FNIP1: variants seen among roughly 807,000 people sequenced by gnomAD.
The protein encoded by FNIP1 is folliculin interacting protein 1.
A neutral mutation model predicts 124.5 loss-of-function variants in FNIP1; 40 were observed. That is an observed-to-expected ratio of 0.32 (90% CI 0.25 to 0.42). FNIP1 has a LOEUF of 0.42. Ranked by LOEUF, FNIP1 falls within the 10% of genes least tolerant of loss-of-function variation. FNIP1 has a pLI of 1.00. For missense variants in FNIP1, 1,176 were observed against 1,403.7 expected (o/e 0.84, Z 2.59); for synonymous variants, 472 against 470.6 (o/e 1.00, Z -0.04).
intron 1 of FNIP1, among the ~76,000 whole-genome samples, chr5:131,760,642 G>C (rs1771195774): frequency 6.6e-6 from 1 of 152,008 alleles, no homozygotes; most frequent in Non-Finnish European, 1.5e-5. Context: ...TATGTGTCTT[G>C]AACTATGTTA....
At chr5:131,684,255 C>T (rs573235394) in intron 11 of FNIP1, among the ~76,000 whole-genome samples, 6 of 152,262 alleles carry the variant, frequency 3.9e-5, no homozygotes, top group South Asian at 2.1e-4. Flanking sequence ...GGAACATATG[C>T]GTCAGGCAAC....
At chr5:131,728,005 C>T (rs557007568) in intron 3 of FNIP1, among the ~76,000 whole-genome samples, 1 of 152,222 alleles carries the variant, frequency 6.6e-6, no homozygotes, top group African/African-American at 2.4e-5. Flanking sequence ...AATATTGGTC[C>T]CCCACTCTCT....
chr5:131,788,872 T>C (rs1366303990), intron 1 of FNIP1, among the ~76,000 whole-genome samples: 1 of 152,144 alleles, frequency 6.6e-6, no homozygotes, highest in Admixed American at 6.5e-5. Context: ...CACTTCTTAC[T>C]GTGAAATTAA....
At chr5:131,738,647 G>A (rs1258209438) in intron 2 of FNIP1, among the ~76,000 whole-genome samples, 10 of 152,032 alleles carry the variant, frequency 6.6e-5, no homozygotes, top group African/African-American at 9.6e-5. Context: ...CTACAGGCAC[G>A]TGCCACCACA....
At chr5:131,758,743 T>A (rs982388162) in intron 1 of FNIP1, among the ~76,000 whole-genome samples, 1 of 152,146 alleles carries the variant, frequency 6.6e-6, no homozygotes, top group Non-Finnish European at 1.5e-5. Flanking sequence ...GACACTTTCC[T>A]TTACACACTG....
rs146053095 is a variant in FNIP1 at position 131,773,274 on chromosome 5, G to A, written c.92+23556C>T. Among the ~76,000 whole-genome samples, 474 of 152,234 alleles carry A rather than the reference G, an allele frequency of 3.1e-3. 3 individuals carry two copies. Among genetic ancestry groups the A allele is most frequent in the African/African-American group, 0.011 (451 of 41,526 alleles). ...CTGGACACTGTGAGATTATAAAAATGTAAAGATAAATGAGACAAAACCCCT... is the reference window on the plus strand; with the variant it reads ...CTGGACACTGTGAGATTATAAAAATATAAAGATAAATGAGACAAAACCCCT... On this transcript the variant is annotated intron_variant, in intron 1 of 17. Transcript: ENST00000510461.
At position 131,672,965 on chromosome 5, in the gene FNIP1, G is replaced by A. The variant is rs1561647872; in HGVS notation, c.1520-41C>T. 2.2e-6 allele frequency: 3 copies of A among 1,361,524 alleles called. No homozygotes were observed. The South Asian group carries it at 4.8e-5, about 22-fold the overall frequency. The allele number at this position is 1,361,524 out of a possible 1,614,324, so 84.3% of individuals were successfully genotyped here. On this transcript the variant is annotated intron_variant, in intron 13 of 17. Transcript: ENST00000510461. Reference sequence around the variant, plus strand: ...TCAGTTATTGGACATGTCCTTTACTGACACAGCTAAGTAAGCTATTTTTAA... The same window carrying A: ...TCAGTTATTGGACATGTCCTTTACTAACACAGCTAAGTAAGCTATTTTTAA...
chr5:131,651,726 CT>C, intron 16 of FNIP1, 75 bp downstream of exon 16: 3 of 1,424,140 alleles, frequency 2.1e-6, no homozygotes, highest in Non-Finnish European at 2.9e-6. Flanking sequence ...TCCCTAACAG[CT>C]TTTTTTCAGA....
intron 1 of FNIP1, among the ~76,000 whole-genome samples, chr5:131,784,021 A>AG (rs397777929): frequency 6.6e-6 from 1 of 151,336 alleles, no homozygotes; most frequent in Admixed American, 6.6e-5. Context: ...AAAAAAAAAA[A>AG]GAAGGAAAAA....
chr5:131,777,829 T>C (rs1383797021), intron 1 of FNIP1, among the ~76,000 whole-genome samples: 1 of 152,204 alleles, frequency 6.6e-6, no homozygotes, highest in African/African-American at 2.4e-5. Context: ...GAAATACAAA[T>C]TCCTGGGGGT....
intron 11 of FNIP1, among the ~76,000 whole-genome samples, chr5:131,697,968 C>CAAAAAAAAAAAAAAAAAAAAA (rs753487190): frequency 6.8e-5 from 4 of 58,760 alleles, no homozygotes; most frequent in African/African-American, 8.7e-5. Context: ...GACTCCACCT[C>CAAAAAAAAAAAAAAAAAAAAA]AAAAAAAAAA....
intron 1 of FNIP1, among the ~76,000 whole-genome samples, chr5:131,766,505 C>A (rs541476843): frequency 5.3e-4 from 81 of 152,284 alleles, no homozygotes; most frequent in African/African-American, 1.7e-3. Flanking sequence ...ATGTCATAGT[C>A]TAGAAGGTTT....
intron 3 of FNIP1, among the ~76,000 whole-genome samples, chr5:131,721,496 T>G (rs1477907930): frequency 1.3e-5 from 2 of 151,590 alleles, no homozygotes; most frequent in African/African-American, 4.9e-5. Flanking sequence ...TCCCACAATT[T>G]TTTTTTTAAA....
At chr5:131,764,941 G>A (rs376880985) in intron 1 of FNIP1, among the ~76,000 whole-genome samples, 7 of 151,936 alleles carry the variant, frequency 4.6e-5, no homozygotes, top group African/African-American at 7.2e-5. Flanking sequence ...TGCATCATAC[G>A]GCTGGGTGTG....
rs1561658283 is a variant in FNIP1, at chr5:131,693,323, T to TAC, written c.1202+5593_1202+5594insGT. 8.0e-3 allele frequency among the ~76,000 whole-genome samples: 728 copies of TAC among 90,632 alleles called. 15 individuals carry two copies. Among genetic ancestry groups the TAC allele is most frequent in the Non-Finnish European group, 9.7e-3 (469 of 48,528 alleles). The allele number at this position is 90,632 out of a possible 152,430, so 59.5% of individuals were successfully genotyped here. A position where few individuals can be genotyped will look rare whatever the true frequency, so the allele number is the denominator to read the frequency against. On this transcript the variant is annotated intron_variant, in intron 11 of 17. Coordinates refer to ENST00000510461, the MANE Select transcript of FNIP1 (RefSeq NM_133372.3). The stretch of plus-strand genomic sequence containing the variant: ...ATATATATATATATATATACACATA[T>TAC]ATATATATACATATATATATATATA...
At chr5:131,697,124 T>C (rs1768723269) in intron 11 of FNIP1, among the ~76,000 whole-genome samples, 1 of 152,138 alleles carries the variant, frequency 6.6e-6, no homozygotes, top group Admixed American at 6.5e-5. Flanking sequence ...CAAGATGTGA[T>C]GGCCCATTTA....
At chr5:131,710,549 C>CTA in intron 7 of FNIP1, 29 bp downstream of exon 7, 1 of 1,600,986 alleles carries the variant, frequency 6.2e-7, no homozygotes, top group South Asian at 1.1e-5. Context: ...GGCACACCAA[C>CTA]TAGTCTACCC....
intron 1 of FNIP1, among the ~76,000 whole-genome samples, chr5:131,758,451 T>G (rs946672697): frequency 1.3e-5 from 2 of 152,218 alleles, no homozygotes; most frequent in African/African-American, 2.4e-5. Flanking sequence ...TTATCAAAAT[T>G]TAACTGAAGA....
chr5:131,775,651 C>T (rs1196455447), intron 1 of FNIP1, among the ~76,000 whole-genome samples: 3 of 151,570 alleles, frequency 2.0e-5, no homozygotes, highest in Non-Finnish European at 4.4e-5. Context: ...CTTCAGCCTC[C>T]TGAGTACCTT....
Sources: gnomAD v4.1 joint callset for allele counts (sites outside exome capture counted in the v4.1 genomes callset) on GRCh38, gnomAD v4.1.1 for gene constraint, MANE v1.5 for transcripts, NCBI Gene and HGNC (gene_info 2026-07-23, HGNC 2026-07-21) for gene names.